The following BAZ1A variants were observed in gnomAD, a reference collection of about 807,000 sequenced individuals.
The protein encoded by BAZ1A is bromodomain adjacent to zinc finger domain 1A.
A neutral mutation model predicts 185.2 loss-of-function variants in BAZ1A; 50 were observed. The observed-to-expected ratio is 0.27, with a 90% CI of 0.22 to 0.34. The LOEUF (loss-of-function observed/expected upper bound fraction) is 0.34, where lower values mean the gene tolerates loss of function less well. BAZ1A is among the 10% of genes least tolerant of loss of function. BAZ1A has a pLI of 1.00. For missense variants in BAZ1A, 1,356 were observed against 1,839.9 expected, an observed-to-expected ratio of 0.74 and a Z score of 4.81; for synonymous variants, 571 against 615.6, an observed-to-expected ratio of 0.93 and a Z score of 1.07.
chr14:34,856,757 G>C (rs4982226), intron 3 of BAZ1A, among the ~76,000 whole-genome samples: 90,738 of 150,108 alleles, frequency 0.6, 27,527 homozygotes, highest in South Asian at 0.69. Context: ...ACTCGGGAGG[G>C]TGAGGCAGGA....
chr14:34,828,134 A>C (rs1317057984), intron 3 of BAZ1A, among the ~76,000 whole-genome samples: 1 of 151,770 alleles, frequency 6.6e-6, no homozygotes, highest in African/African-American at 2.4e-5. Flanking sequence ...CTAGTAAAAA[A>C]AATACAGAAT....
chr14:34,818,265 C>T (rs554619152), intron 4 of BAZ1A, among the ~76,000 whole-genome samples: 1 of 152,140 alleles, frequency 6.6e-6, no homozygotes, highest in African/African-American at 2.4e-5. Context: ...TCTACCTATA[C>T]AAAATATCTA....
At chr14:34,841,330 A>C (rs2042411214) in intron 3 of BAZ1A, among the ~76,000 whole-genome samples, 1 of 152,216 alleles carries the variant, frequency 6.6e-6, no homozygotes, top group South Asian at 2.1e-4. Flanking sequence ...TTGGCACTAC[A>C]ATGCCCTTTA....
intron 3 of BAZ1A, among the ~76,000 whole-genome samples, chr14:34,832,076 C>T (rs892818452): frequency 6.6e-6 from 1 of 151,476 alleles, no homozygotes; most frequent in South Asian, 2.1e-4. Flanking sequence ...CACTTGCAGT[C>T]CCAGCTACTC....
intron 1 of BAZ1A, 91 bp downstream of exon 1, chr14:34,875,047 C>G (rs1170495510): frequency 7.6e-6 from 2 of 261,680 alleles, no homozygotes; most frequent in East Asian, 2.7e-4. Context: ...CCAGAGCGCT[C>G]GCCGCGGGCG....
intron 3 of BAZ1A, among the ~76,000 whole-genome samples, chr14:34,846,482 C>G (rs558814733): frequency 6.6e-6 from 1 of 152,180 alleles, no homozygotes; most frequent in Non-Finnish European, 1.5e-5. Context: ...TATGGTAAGT[C>G]TAAACTTCAT....
intron 7 of BAZ1A, among the ~76,000 whole-genome samples, chr14:34,802,359 G>GC (rs1425568785): frequency 6.6e-6 from 1 of 151,832 alleles, no homozygotes. Context: ...CGTGCCTCAG[G>GC]CTCCTGTATT....
chr14:34,833,920 T>G (rs2042290175), intron 3 of BAZ1A, among the ~76,000 whole-genome samples: 2 of 152,124 alleles, frequency 1.3e-5, no homozygotes, highest in South Asian at 4.2e-4. Flanking sequence ...AGAGAAAAGC[T>G]TGAGAAGAGG....
At position 34,836,271 on chromosome 14, in the gene BAZ1A, C is replaced by T. The variant is rs1198986707; in HGVS notation, c.393-10115G>A. Among the ~76,000 whole-genome samples the T allele has an allele frequency of 2.9e-5, 2 of 68,158 alleles. 1 individual carries two copies. Among genetic ancestry groups the T allele is most frequent in the East Asian group, 7.7e-4 (2 of 2,598 alleles). 44.7% of individuals were successfully genotyped at this position (68,158 alleles called of 152,430 possible). ...GCGGGCGCCTGTAGTCCCAGCTACT[C>T]GGGAGGCTGAGGCAGGAGAATGGCG... On this transcript the variant is annotated intron_variant, in intron 3 of 26. Transcript: ENST00000360310.
intron 12 of BAZ1A, 136 bp downstream of exon 12, chr14:34,792,639 T>G: frequency 9.8e-7 from 1 of 1,016,348 alleles, no homozygotes; most frequent in Non-Finnish European, 1.4e-6. Flanking sequence ...GTTGTTAGCA[T>G]ATGATTCAAC....
chr14:34,758,382 C>T (rs1167899472), intron 25 of BAZ1A, among the ~76,000 whole-genome samples: 1 of 151,800 alleles, frequency 6.6e-6, no homozygotes, highest in Non-Finnish European at 1.5e-5. Context: ...GAGATTGAGA[C>T]CAGCCTGACC....
intron 3 of BAZ1A, among the ~76,000 whole-genome samples, chr14:34,842,527 C>G (rs2042432554): frequency 6.6e-6 from 1 of 152,142 alleles, no homozygotes; most frequent in Non-Finnish European, 1.5e-5. Context: ...GACTTTCAAA[C>G]CCTCAACAAC....
intron 3 of BAZ1A, among the ~76,000 whole-genome samples, chr14:34,845,136 A>C (rs12590886): frequency 0.6 from 91,641 of 151,946 alleles, 27,750 homozygotes; most frequent in South Asian, 0.68. Flanking sequence ...TTATTTAGAG[A>C]ATATGTTTTT....
intron 2 of BAZ1A, among the ~76,000 whole-genome samples, chr14:34,871,829 C>T (rs2042953194): frequency 1.3e-5 from 2 of 152,194 alleles, no homozygotes; most frequent in African/African-American, 4.8e-5. Context: ...CGAGATGGCA[C>T]CACTGCACTC....
intron 6 of BAZ1A, among the ~76,000 whole-genome samples, chr14:34,803,933 T>G (rs1269858866): frequency 3.3e-5 from 5 of 152,224 alleles, no homozygotes; most frequent in African/African-American, 1.2e-4. Context: ...AGAATAATTA[T>G]TAAATCCAAG....
intron 3 of BAZ1A, among the ~76,000 whole-genome samples, chr14:34,838,493 T>C (rs1043815583): frequency 1.3e-5 from 2 of 151,938 alleles, no homozygotes; most frequent in Non-Finnish European, 2.9e-5. Context: ...ACCATAATTT[T>C]GCAAGATAAT....
At chr14:34,786,764 C>A (rs943821666) in intron 12 of BAZ1A, among the ~76,000 whole-genome samples, 1 of 151,716 alleles carries the variant, frequency 6.6e-6, no homozygotes, top group Non-Finnish European at 1.5e-5. Context: ...CCTGCCACCA[C>A]GCCCGGCTAA....
chr14:34,771,998 A>C (rs1284145069), intron 20 of BAZ1A, among the ~76,000 whole-genome samples: 1 of 151,924 alleles, frequency 6.6e-6, no homozygotes, highest in African/African-American at 2.4e-5. Context: ...ACTGTTGCCC[A>C]GGCTGGAGTG....
At chr14:34,815,221 T>C (rs947533737) in intron 4 of BAZ1A, among the ~76,000 whole-genome samples, 6 of 152,234 alleles carry the variant, frequency 3.9e-5, no homozygotes, top group Admixed American at 1.3e-4. Context: ...ATATTCTTAC[T>C]GGGGCTTTGC....
Sources: allele counts gnomAD v4.1 joint callset (sites outside exome capture counted in the v4.1 genomes callset), GRCh38; gene constraint gnomAD v4.1.1; transcripts MANE v1.5; gene names NCBI Gene and HGNC (gene_info 2026-07-23, HGNC 2026-07-21).